Variants in CSMD3 observed in about 807,000 individuals in gnomAD.
The protein encoded by CSMD3 is CUB and Sushi multiple domains 3, also known as CUB and sushi domain-containing protein 3.
A neutral mutation model predicts 435.2 loss-of-function variants in CSMD3; 177 were observed. The observed-to-expected ratio is 0.41, with a 90% CI of 0.36 to 0.46. The LOEUF is 0.46. CSMD3 is among the 20% of genes least tolerant of loss of function. The pLI, the probability that CSMD3 is intolerant of heterozygous loss-of-function variation, is 0.34. For missense variants in CSMD3, 4,265 were observed against 4,504.6 expected (o/e 0.95, Z 1.52); for synonymous variants, 1,656 against 1,520.5 (o/e 1.09, Z -2.07).
intron 10 of CSMD3, among the ~76,000 whole-genome samples, chr8:112,884,646 C>G (rs1380410866): frequency 6.6e-6 from 1 of 151,614 alleles, no homozygotes; most frequent in African/African-American, 2.4e-5. Context: ...GCCCCTTTCC[C>G]ATTAAGAGCC....
intron 10 of CSMD3, among the ~76,000 whole-genome samples, chr8:112,914,725 C>T (rs2082525501): frequency 6.6e-6 from 1 of 151,700 alleles, no homozygotes. Context: ...CATCATTTTT[C>T]CCTTTCCTAT....
chr8:112,391,774 T>C (rs977956933), intron 35 of CSMD3, among the ~76,000 whole-genome samples: 6 of 152,162 alleles, frequency 3.9e-5, no homozygotes, highest in Middle Eastern at 3.4e-3. Flanking sequence ...CTGAAGATAC[T>C]TGAAGTGGTC....
At chr8:113,173,375 G>A (rs1489266637) in intron 4 of CSMD3, among the ~76,000 whole-genome samples, 1 of 152,066 alleles carries the variant, frequency 6.6e-6, no homozygotes. Flanking sequence ...AGGCTGGGGT[G>A]CAGTGGCGCG....
At chr8:112,355,640 T>G (rs1038761660) in intron 38 of CSMD3, among the ~76,000 whole-genome samples, 6 of 152,088 alleles carry the variant, frequency 3.9e-5, no homozygotes, top group African/African-American at 1.4e-4. Flanking sequence ...GAGACCATCC[T>G]GGCTAACACG....
At chr8:112,358,917 A>G (rs1826904259) in intron 38 of CSMD3, among the ~76,000 whole-genome samples, 1 of 152,226 alleles carries the variant, frequency 6.6e-6, no homozygotes, top group South Asian at 2.1e-4. Flanking sequence ...AATAAAAGTT[A>G]AAATTATGTT....
At chr8:112,801,490 C>T (rs2132335870) in intron 12 of CSMD3, among the ~76,000 whole-genome samples, 1 of 152,056 alleles carries the variant, frequency 6.6e-6, no homozygotes, top group East Asian at 1.9e-4. Context: ...TGAAGAACAC[C>T]ATAAGATACC....
rs371577956 is a variant in CSMD3, at chr8:113,003,313, T to C, written c.1030+15754A>G. ...GTTTCAGTTACTAATTTTTCTTATT[T>C]GTTGTTTGCTTATTTTTCCTTCAAT... On this transcript the variant is annotated intron_variant, in intron 6 of 70. Transcript: ENST00000297405. Among the ~76,000 whole-genome samples, 14 of 152,210 alleles carry C rather than the reference T, an allele frequency of 9.2e-5. No homozygotes were observed. The East Asian group carries it at 1.5e-3, about 17-fold the overall frequency.
chr8:112,537,983 A>T (rs1198501166), intron 27 of CSMD3, among the ~76,000 whole-genome samples: 1 of 152,114 alleles, frequency 6.6e-6, no homozygotes, highest in Non-Finnish European at 1.5e-5. Context: ...CATTAAAAAG[A>T]TCATTTACTG....
rs772960816 is a variant in CSMD3 at position 112,390,784 on chromosome 8, G to A, written c.5814C>T (p.Pro1938=). ...WNDSLPTCIV[P]CGGILTKRKG... is the part of the protein sequence containing the mutation. ...TGCGCTTAGTTAAAATTCCACCACA[G>A]GGCACTGAAAATAAAGCAGTCCAAG... The change falls in exon 36 of 71, where the codon CCC becomes CCT. Residue 1938 remains proline (P), a synonymous_variant. Transcript: ENST00000297405. 1 of 1,613,426 alleles carries A rather than the reference G, an allele frequency of 6.2e-7. No homozygotes were observed. The highest frequency in any genetic ancestry group is 8.5e-7 in the Non-Finnish European group (1 of 1,179,512).
chr8:112,263,617 T>G, intron 61 of CSMD3, 22 bp downstream of exon 61: 1 of 1,608,506 alleles, frequency 6.2e-7, no homozygotes, highest in Non-Finnish European at 8.5e-7. Flanking sequence ...AAGTAACAGT[T>G]GTTAGTAGAA....
chr8:113,086,378 A>G (rs1250457649), intron 5 of CSMD3, among the ~76,000 whole-genome samples: 2 of 152,188 alleles, frequency 1.3e-5, no homozygotes, highest in Non-Finnish European at 2.9e-5. Context: ...GACGTTTTGT[A>G]ATTTATCATT....
chr8:113,401,353 C>T (rs2094509254), intron 1 of CSMD3, among the ~76,000 whole-genome samples: 1 of 151,494 alleles, frequency 6.6e-6, no homozygotes, highest in African/African-American at 2.4e-5. Flanking sequence ...TCCAAAGTGT[C>T]CAGTATTTAT....
chr8:112,243,591 T>C (rs926437296), intron 65 of CSMD3, among the ~76,000 whole-genome samples: 4 of 151,954 alleles, frequency 2.6e-5, no homozygotes, highest in South Asian at 2.1e-4. Flanking sequence ...TTGTGGCAAA[T>C]AGAATCCCAG....
intron 41 of CSMD3, among the ~76,000 whole-genome samples, chr8:112,345,124 G>T (rs12680158): frequency 0.43 from 65,826 of 151,866 alleles, 14,858 homozygotes; most frequent in Middle Eastern, 0.54. Context: ...AAAATGACCT[G>T]GCACACTGTT....
intron 54 of CSMD3, among the ~76,000 whole-genome samples, chr8:112,294,245 T>C (rs1177089628): frequency 6.6e-6 from 1 of 152,104 alleles, no homozygotes; most frequent in Non-Finnish European, 1.5e-5. Flanking sequence ...AAAACAGTAT[T>C]ATGACCGAAT....
At chr8:113,422,899 G>A (rs569587013) in intron 1 of CSMD3, among the ~76,000 whole-genome samples, 1 of 151,698 alleles carries the variant, frequency 6.6e-6, no homozygotes, top group East Asian at 1.9e-4. Context: ...TATTCAAACT[G>A]CTTGGAATGA....
chr8:113,371,851 G>A (rs568799087), intron 1 of CSMD3, among the ~76,000 whole-genome samples: 1 of 152,144 alleles, frequency 6.6e-6, no homozygotes, highest in African/African-American at 2.4e-5. Context: ...GTGGTTTTTA[G>A]CTTGTAAAGC....
At chr8:113,216,688 G>A (rs2092909973) in intron 3 of CSMD3, among the ~76,000 whole-genome samples, 1 of 151,906 alleles carries the variant, frequency 6.6e-6, no homozygotes, top group Non-Finnish European at 1.5e-5. Flanking sequence ...CACAAAAAGT[G>A]ATACCTACTT....
chr8:112,909,775 C>T (rs1429282813), intron 10 of CSMD3, among the ~76,000 whole-genome samples: 8 of 151,718 alleles, frequency 5.3e-5, no homozygotes, highest in Non-Finnish European at 1.5e-5. Context: ...AGAAGTAAAT[C>T]GGTGCCATTT....
Sources: allele counts gnomAD v4.1 joint callset (sites outside exome capture counted in the v4.1 genomes callset), GRCh38; gene constraint gnomAD v4.1.1; transcripts MANE v1.5; gene names NCBI Gene and HGNC (gene_info 2026-07-23, HGNC 2026-07-21).